SLC35F4: variants seen among roughly 807,000 people sequenced by gnomAD.
The protein encoded by SLC35F4 is chromosome 14 open reading frame 36.
Under a neutral mutation model 44.2 loss-of-function variants are expected in SLC35F4, and 24 were observed. That is an observed-to-expected ratio of 0.54 (90% CI 0.39 to 0.76). The LOEUF (loss-of-function observed/expected upper bound fraction) is 0.76. SLC35F4 is among the 30% of genes least tolerant of loss of function. SLC35F4 has a pLI of 0.00. For missense variants in SLC35F4, 562 were observed against 586.1 expected, an observed-to-expected ratio of 0.96 and a Z score of 0.42; for synonymous variants, 238 against 223.6, an observed-to-expected ratio of 1.06 and a Z score of -0.57.
chr14:57,902,627 C>T (rs993709435), intron 1 of SLC35F4, among the ~76,000 whole-genome samples: 5 of 150,512 alleles, frequency 3.3e-5, no homozygotes, highest in Non-Finnish European at 5.9e-5. Flanking sequence ...CCTATGGGAA[C>T]GATTCAAATA....
chr14:57,617,791 G>A (rs528242062), intron 1 of SLC35F4, among the ~76,000 whole-genome samples: 2 of 152,332 alleles, frequency 1.3e-5, no homozygotes, highest in South Asian at 2.1e-4. Flanking sequence ...CAGGAACCCA[G>A]AGGAGGAGTT....
At chr14:57,678,940 C>A (rs990171733) in intron 1 of SLC35F4, among the ~76,000 whole-genome samples, 5 of 152,006 alleles carry the variant, frequency 3.3e-5, no homozygotes, top group African/African-American at 1.2e-4. Context: ...GACTTTAACA[C>A]CCCACTGTCA....
chr14:57,643,872 G>T (rs910451413), intron 1 of SLC35F4, among the ~76,000 whole-genome samples: 2 of 151,992 alleles, frequency 1.3e-5, no homozygotes, highest in Middle Eastern at 3.2e-3. Context: ...GCGGTGTTTG[G>T]TTTTTTGTCC....
chr14:57,937,381 G>GA (rs1448072251), intron 1 of SLC35F4, among the ~76,000 whole-genome samples: 1 of 151,954 alleles, frequency 6.6e-6, no homozygotes, highest in African/African-American at 2.4e-5. Context: ...ACCCACTTTT[G>GA]AAATGTAGCT....
At chr14:57,978,378 C>G (rs930316620) in intron 1 of SLC35F4, among the ~76,000 whole-genome samples, 2 of 152,194 alleles carry the variant, frequency 1.3e-5, no homozygotes, top group African/African-American at 4.8e-5. Flanking sequence ...CCCACAGTGC[C>G]TATGCCAGCC....
Position 57,776,110 on chromosome 14 carries a change from A to G in SLC35F4, c.103+89613T>C, listed in dbSNP as rs145352069. Among the ~76,000 whole-genome samples the G allele has an allele frequency of 1.3e-4, 20 of 152,368 alleles. No homozygotes were observed. In the East Asian group the frequency reaches 3.5e-3, roughly 26 times the overall value. ...AGAAGAGAATAAAAGAAAGAAAAGA[A>G]AAGGAATGAACAAAACCTCCAAGAA... On this transcript the variant is annotated intron_variant, in intron 1 of 7. Transcript: ENST00000556826.
chr14:57,978,527 G>A (rs10141976), intron 1 of SLC35F4, among the ~76,000 whole-genome samples: 53,846 of 152,022 alleles, frequency 0.35, 10,050 homozygotes, highest in African/African-American at 0.49. Context: ...TGGTCTTAAC[G>A]TCATCTAACA....
chr14:57,956,428 A>G (rs956425879), intron 1 of SLC35F4, among the ~76,000 whole-genome samples: 7 of 152,240 alleles, frequency 4.6e-5, no homozygotes, highest in Non-Finnish European at 8.8e-5. Context: ...ACAAAAGCCA[A>G]AATTGACAAA....
chr14:57,683,010 C>T (rs532962909), intron 1 of SLC35F4, among the ~76,000 whole-genome samples: 13 of 152,086 alleles, frequency 8.5e-5, no homozygotes, highest in Non-Finnish European at 1.6e-4. Context: ...AGGTCTTAAT[C>T]ATGAACTCAA....
At position 57,589,365 on chromosome 14, in the gene SLC35F4, T is replaced by C; in HGVS notation, c.438A>G (p.Thr146=). 1.9e-6 allele frequency: 3 copies of C among 1,613,990 alleles called. No individual in the cohort carries two copies. The highest frequency in any genetic ancestry group is 2.5e-6 in the Non-Finnish European group (3 of 1,179,882). The part of the protein sequence containing the change: ...LSVSSSWVGT[T]QIVKITYKNF... ...TCTTATAAGTAATTTTTACAATCTG[T>C]GTAGTTCCAACCCAAGATGATGATA... is the stretch of plus-strand genomic sequence containing the variant. Residue 146 remains threonine, a synonymous_variant, in exon 3 of 8, where the codon ACA becomes ACG. Coordinates refer to ENST00000556826, the MANE Select transcript of SLC35F4 (RefSeq NM_001306087.2).
intron 1 of SLC35F4, among the ~76,000 whole-genome samples, chr14:57,872,354 A>G (rs1363744212): frequency 6.6e-6 from 1 of 150,694 alleles, no homozygotes; most frequent in Admixed American, 6.6e-5. Context: ...TTTTTTTAGT[A>G]CCCAGCTGAT....
chr14:57,932,565 G>T (rs900036668), intron 1 of SLC35F4, among the ~76,000 whole-genome samples: 8 of 152,158 alleles, frequency 5.3e-5, no homozygotes, highest in Non-Finnish European at 8.8e-5. Context: ...TTAGAAATTT[G>T]GGACCAGGTG....
intron 1 of SLC35F4, among the ~76,000 whole-genome samples, chr14:57,665,791 T>C (rs2074287494): frequency 6.6e-6 from 1 of 152,186 alleles, no homozygotes; most frequent in African/African-American, 2.4e-5. Context: ...TGGAATACTG[T>C]GCAGCCATAA....
chr14:57,750,136 G>A (rs949118855), intron 1 of SLC35F4, among the ~76,000 whole-genome samples: 11 of 151,758 alleles, frequency 7.2e-5, no homozygotes, highest in East Asian at 3.9e-4. Context: ...GAAAACATGC[G>A]GTATTTGTCT....
At chr14:57,820,190 A>G (rs1414413867) in intron 1 of SLC35F4, among the ~76,000 whole-genome samples, 1 of 152,232 alleles carries the variant, frequency 6.6e-6, no homozygotes, top group Non-Finnish European at 1.5e-5. Flanking sequence ...TAGATTTTTA[A>G]TGAATTTTTG....
chr14:57,685,497 T>G (rs554875093), intron 1 of SLC35F4, among the ~76,000 whole-genome samples: 2 of 152,318 alleles, frequency 1.3e-5, no homozygotes, highest in South Asian at 4.1e-4. Context: ...CAGGTGATAT[T>G]CCCCAAGAGG....
At chr14:57,678,514 T>A (rs202166818) in intron 1 of SLC35F4, among the ~76,000 whole-genome samples, 1 of 151,918 alleles carries the variant, frequency 6.6e-6, no homozygotes, top group Admixed American at 6.6e-5. Flanking sequence ...AATTAACACA[T>A]AACAATATTA....
intron 1 of SLC35F4, among the ~76,000 whole-genome samples, chr14:57,950,820 C>A (rs1890124401): frequency 6.6e-6 from 1 of 152,040 alleles, no homozygotes; most frequent in African/African-American, 2.4e-5. Context: ...AGGTGCCTGC[C>A]ACCACGCCAG....
intron 1 of SLC35F4, among the ~76,000 whole-genome samples, chr14:57,827,271 T>G (rs1437386205): frequency 6.6e-6 from 1 of 152,102 alleles, no homozygotes; most frequent in African/African-American, 2.4e-5. Context: ...GGAAAACGAA[T>G]ATTGCATGTT....
Sources: gnomAD v4.1 joint callset for allele counts (sites outside exome capture counted in the v4.1 genomes callset) on GRCh38, gnomAD v4.1.1 for gene constraint, MANE v1.5 for transcripts, NCBI Gene and HGNC (gene_info 2026-07-23, HGNC 2026-07-21) for gene names.